Variants in NOP2 observed in about 807,000 individuals in gnomAD.
NOP2 encodes the protein NOP2 nucleolar protein.
Under a neutral mutation model 72.7 loss-of-function variants are expected in NOP2, and 7 were observed. That is an observed-to-expected ratio of 0.10 (90% CI 0.05 to 0.18). The LOEUF is 0.18. NOP2 is among the 10% of genes least tolerant of loss of function. The pLI is 1.00. For missense variants in NOP2, 954 were observed against 1,014.7 expected, an observed-to-expected ratio of 0.94 and a Z score of 0.81; for synonymous variants, 387 against 388.0, an observed-to-expected ratio of 1.00 and a Z score of 0.03.
chr12:6,557,105 G>GT lies in NOP2; in HGVS notation c.2326dup (p.Thr776AsnfsTer41). The GT allele has an allele frequency of 6.2e-7, 1 of 1,614,002 alleles. No homozygotes were observed. Among genetic ancestry groups the GT allele is most frequent in the Non-Finnish European group, 8.5e-7 (1 of 1,179,900 alleles). Reference sequence around the variant, plus strand: ...AGTGGGAGGCTGAGGCCCCTTGGGGGTATCATTCTGTTTCTGGAAGGCAGC... The same window carrying GT: ...AGTGGGAGGCTGAGGCCCCTTGGGGGTTATCATTCTGTTTCTGGAAGGCAGC... On this transcript the variant is annotated frameshift_variant, in exon 16 of 16. Transcript: ENST00000322166. LOFTEE classifies it low-confidence loss of function (END_TRUNC).
chr12:6,562,035 C>G, intron 9 of NOP2, 64 bp from the exon 10 acceptor site: 1 of 1,251,254 alleles, frequency 8.0e-7, no homozygotes, highest in South Asian at 1.3e-5. Flanking sequence ...GTTGCCCAGG[C>G]TAGAGTGAGG....
chr12:6,558,053 A>G (rs1306697936), intron 15 of NOP2: 2 of 353,430 alleles, frequency 5.7e-6, no homozygotes, highest in Non-Finnish European at 1.1e-5. Context: ...AGGCACAAGA[A>G]TCGCTTGAAC....
rs905450487 is a variant in NOP2, at chr12:6,561,911, C to G, written c.1039G>C (p.Val347Leu). ...ATGGGCACAGAAGAATCATACACCA[C>G]TAGTCCAGTCTTTGACCACTTGCCC... Reference protein sequence around the residue: ...PLGKWSKTGLVVYDSSVPIGA... With the variant: ...PLGKWSKTGLLVYDSSVPIGA... Residue 347 changes from valine (V) to leucine (L), a missense_variant, in exon 10 of 16, where the codon GTG becomes CTG. Val to Leu is a conservative substitution (Grantham distance 32). Coordinates refer to ENST00000322166, the MANE Select transcript of NOP2 (RefSeq NM_001258308.2). The G allele has an allele frequency of 1.3e-5, 21 of 1,612,478 alleles. No individual in the cohort carries two copies. The highest frequency in any genetic ancestry group is 1.7e-5 in the Non-Finnish European group (20 of 1,179,364).
At chr12:6,561,373 A>G (rs7133649) in intron 11 of NOP2, among the ~76,000 whole-genome samples, 1 of 152,246 alleles carries the variant, frequency 6.6e-6, no homozygotes, top group Non-Finnish European at 1.5e-5. Flanking sequence ...GAACACTGCC[A>G]AGGACTTCTA....
chr12:6,565,066 T>G (rs2136177450), intron 5 of NOP2, among the ~76,000 whole-genome samples: 1 of 152,290 alleles, frequency 6.6e-6, no homozygotes, highest in African/African-American at 2.4e-5. Context: ...AATTGTATAA[T>G]AACTTCCTGC....
chr12:6,566,932 A>G (rs1947795253), intron 2 of NOP2, 110 bp from the exon 3 acceptor site: 1 of 851,344 alleles, frequency 1.2e-6, no homozygotes, highest in African/African-American at 1.7e-5. Flanking sequence ...AAAGGAGTCC[A>G]TTTAAATCTC....
chr12:6,566,930 C>G (rs1947795144), intron 2 of NOP2, 108 bp from the exon 3 acceptor site: 1 of 852,488 alleles, frequency 1.2e-6, no homozygotes, highest in South Asian at 1.6e-5. Context: ...TAAAAGGAGT[C>G]CATTTAAATC....
In NOP2 at chr12:6,563,440, C is replaced by A. The variant is rs1211498670; in HGVS notation, c.763G>T (p.Ala255Ser). 5 of 1,610,518 alleles carry A rather than the reference C, an allele frequency of 3.1e-6. No homozygotes were observed. The African/African-American group carries it at 5.3e-5, about 17-fold the overall frequency. Residue 255 changes from alanine (A) to serine (S), a missense_variant, in exon 8 of 16, where the codon GCT (alanine) becomes TCT (serine). Coordinates refer to ENST00000322166, the MANE Select transcript of NOP2 (RefSeq NM_001258308.2). The stretch of plus-strand genomic sequence containing the variant: ...CGAGACCGCCCTTCCTCCCGCTGAG[C>A]CCCAAAATCACGCAGAATTCCCACA... ...DIVGILRDFG[A>S]QREEGRSRSE...
Position 6,563,909 on chromosome 12 carries a change from G to A in NOP2, c.512C>T (p.Ala171Val), listed in dbSNP as rs749777436. ...AACTCACCCAGCAGCAGCTTCCCGG[G>A]CCTTCTGCTTCCGAGCAGCTCTTTC... The part of the protein sequence containing the change: ...PIERAARKQK[A>V]REAAAGIQWS... The change falls in exon 6 of 16, where the codon GCC (alanine) becomes GTC (valine). Residue 171 changes from alanine to valine, a missense_variant. By Grantham distance (64) the Ala-to-Val change is moderately conservative. This residue lies in a region of NOP2 where 498 missense variants were observed against 478.3 expected (regional missense o/e 1.04). Coordinates refer to ENST00000322166, the MANE Select transcript of NOP2 (RefSeq NM_001258308.2). 2.5e-6 allele frequency: 4 copies of A among 1,613,600 alleles called. No homozygotes were observed. Among genetic ancestry groups the A allele is most frequent in the Admixed American group, 1.7e-5 (1 of 59,958 alleles).
intron 2 of NOP2, 109 bp downstream of exon 2, chr12:6,567,707 G>A: frequency 1.2e-6 from 1 of 839,754 alleles, no homozygotes; most frequent in South Asian, 1.8e-5. Flanking sequence ...AACTCATACA[G>A]AGAAGATTCC....
chr12:6,565,266 G>A (rs746760883), intron 5 of NOP2, among the ~76,000 whole-genome samples: 2 of 149,798 alleles, frequency 1.3e-5, no homozygotes, highest in Non-Finnish European at 2.9e-5. Flanking sequence ...TCATCTTCCC[G>A]CTTCAGCATC....
Position 6,560,542 on chromosome 12 carries a change from G to A in NOP2, c.1465C>T (p.His489Tyr), listed in dbSNP as rs1187023218. 5 of 1,602,586 alleles carry A rather than the reference G, an allele frequency of 3.1e-6. No homozygotes were observed. Among genetic ancestry groups the A allele is most frequent in the Non-Finnish European group, 2.6e-6 (3 of 1,173,086 alleles). ...CTCAGGAGCAACTCCTTCTGGAGGT[G>A]AGCACAGCGCAGGATGTCCTTCTCA... ...KDEKDILRCAHLQKELLLSAI... is the reference protein window; with the variant it reads ...KDEKDILRCAYLQKELLLSAI... Residue 489 changes from histidine (H) to tyrosine (Y), a missense_variant, in exon 14 of 16, where the codon CAC becomes TAC. Coordinates refer to ENST00000322166, the MANE Select transcript of NOP2 (RefSeq NM_001258308.2). The surrounding 1 kb of genome is among the most constrained non-coding windows in gnomAD (Gnocchi z 5.0).
chr12:6,564,150 C>G (rs1196688450), intron 5 of NOP2: 1 of 1,444,134 alleles, frequency 6.9e-7, no homozygotes, highest in African/African-American at 1.4e-5. Context: ...TGGCACACAC[C>G]TGTAAATCCC....
chr12:6,560,366 G>A lies in NOP2; in HGVS notation c.1561-40C>T, dbSNP rs1947612861. 6.2e-7 allele frequency: 1 copy of A among 1,608,158 alleles called. No homozygotes were observed. The highest frequency in any genetic ancestry group is 8.5e-7 in the Non-Finnish European group (1 of 1,175,546). ...AAGACAAAGAACGGAGGAAAAAGCA[G>A]AGCTGGAGCTGAAGGGAGCTCTAAG... On this transcript the variant is annotated intron_variant, in intron 14 of 15. Coordinates refer to ENST00000322166, the MANE Select transcript of NOP2 (RefSeq NM_001258308.2). This position sits in a 1 kb window ranked among gnomAD's most constrained non-coding sequence, Gnocchi z 5.0.
In NOP2 at chr12:6,561,933, G is replaced by A; in HGVS notation, c.1017C>T (p.Gly339=). 2 of 1,612,556 alleles carry A rather than the reference G, an allele frequency of 1.2e-6. No homozygotes were observed. Among genetic ancestry groups the A allele is most frequent in the Non-Finnish European group, 1.7e-6 (2 of 1,179,330 alleles). Reference sequence around the variant, plus strand: ...CCACTAGTCCAGTCTTTGACCACTTGCCCAGGGGATCCAGGTTAACCCCAC... The same window carrying A: ...CCACTAGTCCAGTCTTTGACCACTTACCCAGGGGATCCAGGTTAACCCCAC... The part of the protein sequence containing the change: ...INRGVNLDPL[G]KWSKTGLVVY... The change falls in exon 10 of 16, where the codon GGC becomes GGT. Residue 339 remains glycine, a synonymous_variant. Transcript: ENST00000322166.
Position 6,556,895 on chromosome 12 carries a change from A to G in NOP2, c.*98T>C. On this transcript the variant is annotated 3_prime_UTR_variant, in exon 16 of 16. Transcript: ENST00000322166. ...CCAGAGGTTTTAAAATGTGTATTAA[A>G]TTTCATGGGTATGCACAGTAGAGAA... The G allele has an allele frequency of 1.4e-6, 2 of 1,387,492 alleles. No homozygotes were observed. Among genetic ancestry groups the G allele is most frequent in the South Asian group, 2.6e-5 (2 of 76,888 alleles). 85.9% of individuals were successfully genotyped at this position (1,387,492 alleles called of 1,614,324 possible). A position where few individuals can be genotyped will look rare whatever the true frequency, so the allele number is the denominator to read the frequency against.
intron 15 of NOP2, among the ~76,000 whole-genome samples, chr12:6,558,578 T>C (rs1037882652): frequency 1.3e-5 from 2 of 151,654 alleles, no homozygotes; most frequent in African/African-American, 2.4e-5. Flanking sequence ...CAGGGTCTTC[T>C]AAATGAATTT....
At position 6,560,146 on chromosome 12, in the gene NOP2, T is replaced by C. The variant is rs750691531; in HGVS notation, c.1741A>G (p.Ile581Val). Residue 581 changes from isoleucine (I) to valine (V), a missense_variant, in exon 15 of 16, where the codon ATT becomes GTT. Physicochemically the swap from Ile to Val is conservative, Grantham distance 29. This residue lies in a region of NOP2 where 187 missense variants were observed against 276.2 expected (regional missense o/e 0.68). Transcript: ENST00000322166. The surrounding 1 kb of genome is among the most constrained non-coding windows in gnomAD (Gnocchi z 5.0). Reference sequence around the variant, plus strand: ...TTGGAAAATTTCTTGAACTTGGCAATGAAGAACCCATCCATATTGTGGGTA... The same window carrying C: ...TTGGAAAATTTCTTGAACTTGGCAACGAAGAACCCATCCATATTGTGGGTA... The part of the protein sequence containing the change: ...PHTHNMDGFF[I>V]AKFKKFSNSI... 15 of 1,613,962 alleles carry C rather than the reference T, an allele frequency of 9.3e-6. No individual in the cohort carries two copies. Among genetic ancestry groups the C allele is most frequent in the Non-Finnish European group, 1.1e-5 (13 of 1,179,884 alleles).
chr12:6,561,109 C>T, intron 11 of NOP2, 39 bp from the exon 12 acceptor site: 7 of 1,607,156 alleles, frequency 4.4e-6, no homozygotes, highest in Non-Finnish European at 6.0e-6. Flanking sequence ...CAGCCAGTTC[C>T]ACTGTCTCCA....
Sources: gnomAD v4.1 joint callset for allele counts (sites outside exome capture counted in the v4.1 genomes callset) on GRCh38, gnomAD v4.1.1 for gene constraint, gnomAD v4.1.1 regional missense constraint, Gnocchi (gnomAD v3.1) non-coding constraint, MANE v1.5 for transcripts, NCBI Gene and HGNC (gene_info 2026-07-23, HGNC 2026-07-21) for gene names.